LRMDA: variants seen among roughly 807,000 people sequenced by gnomAD.
LRMDA encodes leucine rich melanocyte differentiation associated, also known as leucine-rich melanocyte differentiation-associated protein.
In LRMDA, 18 loss-of-function variants were observed where a neutral mutation model predicts 29.8. The ratio of observed to expected loss-of-function variants is 0.60; its 90% CI spans 0.42 to 0.90. The LOEUF (loss-of-function observed/expected upper bound fraction) is 0.90. Among genes scored for constraint, LRMDA ranks in the 40% least tolerant of loss-of-function variants. The probability of loss-of-function intolerance (pLI) is 0.00; values close to 1 mark genes in which losing one functional copy is unlikely to be tolerated. For synonymous variants in LRMDA, 125 were observed against 109.4 expected (o/e 1.14, Z -0.89); for missense variants, 273 against 273.9 (o/e 1.00, Z 0.02).
intron 6 of LRMDA, among the ~76,000 whole-genome samples, chr10:76,478,496 T>G (rs1054353897): frequency 6.6e-5 from 10 of 152,134 alleles, no homozygotes; most frequent in African/African-American, 2.4e-4. Context: ...TGGCAATTCC[T>G]CAGGGATCTA....
In LRMDA at chr10:76,500,105, T is replaced by C. The variant is rs1352070319; in HGVS notation, c.602-57104T>C. ...CCAAGGCTGATATCAAACTCCTGGCTTTAAGCAATCCTTCTGTCCCAGCCT... is the reference window on the plus strand; with the variant it reads ...CCAAGGCTGATATCAAACTCCTGGCCTTAAGCAATCCTTCTGTCCCAGCCT... On this transcript the variant is annotated intron_variant, in intron 6 of 6. Coordinates refer to ENST00000611255, the MANE Select transcript of LRMDA (RefSeq NM_001305581.2). Among the ~76,000 whole-genome samples the C allele has an allele frequency of 1.7e-4, 13 of 75,574 alleles. 4 individuals carry two copies. The highest frequency in any genetic ancestry group is 4.2e-4 in the African/African-American group (13 of 31,128). 49.6% of individuals were successfully genotyped at this position (75,574 alleles called of 152,430 possible).
intron 5 of LRMDA, among the ~76,000 whole-genome samples, chr10:76,219,486 C>G (rs1851789950): frequency 6.6e-6 from 1 of 152,088 alleles, no homozygotes; most frequent in South Asian, 2.1e-4. Context: ...ATAAAACAGA[C>G]TTTAAACCAA....
chr10:75,831,346 C>T (rs1844340995), intron 2 of LRMDA, among the ~76,000 whole-genome samples: 1 of 152,182 alleles, frequency 6.6e-6, no homozygotes, highest in African/African-American at 2.4e-5. Context: ...CAGGCCTGGC[C>T]AGGGCAGTCA....
In LRMDA at chr10:75,564,273, A is replaced by G. The variant is rs540778266; in HGVS notation, c.131+125779A>G. Among the ~76,000 whole-genome samples, 5 of 152,296 alleles carry G rather than the reference A, an allele frequency of 3.3e-5. No individual in the cohort carries two copies. In the East Asian group the frequency reaches 7.7e-4, roughly 24 times the overall value. On this transcript the variant is annotated intron_variant, in intron 2 of 6. Transcript: ENST00000611255. ...TCCCCCAGCCTCGCTGACGCCTTGC[A>G]GCTTGATCTCAGACTGCTGTGCTGG...
At chr10:75,902,507 T>TCTGAATGTTTACAA (rs1177380384) in intron 2 of LRMDA, among the ~76,000 whole-genome samples, 1 of 151,772 alleles carries the variant, frequency 6.6e-6, no homozygotes, top group East Asian at 1.9e-4. Flanking sequence ...CTTTGGGGTA[T>TCTGAATGTTTACAA]CTAGAGCTCT....
intron 2 of LRMDA, among the ~76,000 whole-genome samples, chr10:75,914,506 G>A (rs915019648): frequency 6.6e-6 from 1 of 152,132 alleles, no homozygotes; most frequent in Non-Finnish European, 1.5e-5. Context: ...TTTTTTTCCA[G>A]TTCTTTCTCC....
intron 2 of LRMDA, among the ~76,000 whole-genome samples, chr10:75,544,667 G>T (rs2132050997): frequency 6.6e-6 from 1 of 151,780 alleles, no homozygotes; most frequent in Middle Eastern, 3.4e-3. Context: ...TTCTTTTTTT[G>T]TGTGTGTTTA....
intron 2 of LRMDA, among the ~76,000 whole-genome samples, chr10:75,870,760 A>C: frequency 6.7e-6 from 1 of 149,056 alleles, no homozygotes. Flanking sequence ...TCTTTAGCAA[A>C]CTCCCCCCTT....
Position 76,380,608 on chromosome 10 carries a change from G to T in LRMDA, c.601+56123G>T, listed in dbSNP as rs1841578054. On this transcript the variant is annotated intron_variant, in intron 6 of 6. Coordinates refer to ENST00000611255, the MANE Select transcript of LRMDA (RefSeq NM_001305581.2). ...GGTGTAAACCCAGGAGGTGGAGCTTGCAGTGAGCCGAGATTGCACCACTGC... is the reference window on the plus strand; with the variant it reads ...GGTGTAAACCCAGGAGGTGGAGCTTTCAGTGAGCCGAGATTGCACCACTGC... 2.0e-5 allele frequency among the ~76,000 whole-genome samples: 3 copies of T among 149,224 alleles called. No individual in the cohort carries two copies. In the South Asian group the frequency reaches 6.3e-4, roughly 31 times the overall value.
At chr10:76,085,062 G>A (rs1439649638) in intron 5 of LRMDA, among the ~76,000 whole-genome samples, 1 of 152,140 alleles carries the variant, frequency 6.6e-6, no homozygotes, top group East Asian at 1.9e-4. Flanking sequence ...TGGGATTTTT[G>A]CTTCAGTTAT....
chr10:75,556,509 G>A (rs1490329537), intron 2 of LRMDA, among the ~76,000 whole-genome samples: 1 of 152,186 alleles, frequency 6.6e-6, no homozygotes, highest in Non-Finnish European at 1.5e-5. Context: ...AGGTAAAGGA[G>A]GTTCTTCCAG....
chr10:75,731,206 C>T (rs1842692840), intron 2 of LRMDA, among the ~76,000 whole-genome samples: 1 of 152,188 alleles, frequency 6.6e-6, no homozygotes, highest in Admixed American at 6.5e-5. Context: ...TGAAACAGAG[C>T]AGACATACCA....
chr10:76,123,117 C>T (rs140317568), intron 5 of LRMDA, among the ~76,000 whole-genome samples: 33 of 152,224 alleles, frequency 2.2e-4, no homozygotes, highest in African/African-American at 6.5e-4. Context: ...CAGCATAGGG[C>T]GCTGGCTAAC....
chr10:75,586,456 C>T (rs1840657354), intron 2 of LRMDA, among the ~76,000 whole-genome samples: 1 of 146,026 alleles, frequency 6.8e-6, no homozygotes, highest in African/African-American at 2.5e-5. Context: ...CTCCTGGGCT[C>T]AAGGGAGTCT....
chr10:76,272,362 T>C (rs994604288), intron 5 of LRMDA, among the ~76,000 whole-genome samples: 1 of 152,224 alleles, frequency 6.6e-6, no homozygotes, highest in Admixed American at 6.5e-5. Flanking sequence ...GCTGCTTTGT[T>C]TCCAGATAGT....
chr10:76,386,051 A>T (rs1040208407), intron 6 of LRMDA, among the ~76,000 whole-genome samples: 1 of 152,214 alleles, frequency 6.6e-6, no homozygotes, highest in Admixed American at 6.5e-5. Flanking sequence ...TTAGAACTCT[A>T]AAAGGGAGAA....
chr10:76,036,206 C>T, intron 3 of LRMDA, 72 bp downstream of exon 3: 1 of 1,378,464 alleles, frequency 7.3e-7, no homozygotes, highest in Non-Finnish European at 9.8e-7. Context: ...CCACCCTGCA[C>T]AAATACCTGC....
chr10:76,038,386 A>C (rs1189206411), intron 3 of LRMDA, among the ~76,000 whole-genome samples: 1 of 152,228 alleles, frequency 6.6e-6, no homozygotes, highest in South Asian at 2.1e-4. Context: ...AATCTGTAGC[A>C]GTAATGCTAA....
intron 2 of LRMDA, 127 bp downstream of exon 2, chr10:75,438,621 C>A: frequency 1.4e-6 from 1 of 696,230 alleles, no homozygotes. Context: ...CAGCAGAAGG[C>A]TCTGAGATGC....
Sources: gnomAD v4.1 joint callset for allele counts (sites outside exome capture counted in the v4.1 genomes callset) on GRCh38, gnomAD v4.1.1 for gene constraint, MANE v1.5 for transcripts, NCBI Gene and HGNC (gene_info 2026-07-23, HGNC 2026-07-21) for gene names.